TRNT1: variants seen among roughly 807,000 people sequenced by gnomAD.
TRNT1 encodes the protein CCA tRNA nucleotidyltransferase 1, mitochondrial.
In TRNT1, 44 loss-of-function variants were observed where a neutral mutation model predicts 45.6. The ratio of observed to expected loss-of-function variants is 0.97; its 90% CI spans 0.76 to 1.24. The LOEUF (loss-of-function observed/expected upper bound fraction) is 1.24. Among genes scored for constraint, TRNT1 ranks in the 50% most tolerant of loss-of-function variants. The pLI, the probability that TRNT1 is intolerant of heterozygous loss-of-function variation, is 0.00. For synonymous variants in TRNT1, 201 were observed against 171.4 expected (o/e 1.17, Z -1.35); for missense variants, 633 against 504.4 (o/e 1.25, Z -2.44).
At chr3:3,134,565 A>G (rs909167953) in intron 2 of TRNT1, among the ~76,000 whole-genome samples, 1 of 152,204 alleles carries the variant, frequency 6.6e-6, no homozygotes, top group Non-Finnish European at 1.5e-5. Context: ...TTATCTGTAT[A>G]AATTAAGCCT....
rs145588117 is a variant in TRNT1, at chr3:3,129,975, G to A, written c.148+787G>A. On this transcript the variant is annotated intron_variant, in intron 2 of 7. Coordinates refer to ENST00000251607, the MANE Select transcript of TRNT1 (RefSeq NM_182916.3). The stretch of plus-strand genomic sequence containing the variant: ...GAAGGAAATAGGAGTTGCCTCCATT[G>A]TGCACGTTGCAAAACCTGTCTGGAA... 1.2e-4 allele frequency: 179 copies of A among 1,550,440 alleles called. No individual in the cohort carries two copies. In the East Asian group the frequency reaches 4.1e-3, roughly 36 times the overall value.
At chr3:3,140,461 T>C (rs1321778421) in intron 3 of TRNT1, 49 bp from the exon 4 acceptor site, 1 of 1,594,252 alleles carries the variant, frequency 6.3e-7, no homozygotes, top group Non-Finnish European at 8.6e-7. Flanking sequence ...TTCAGTAGTA[T>C]GAAAACCTAA....
At position 3,148,970 on chromosome 3, in the gene TRNT1, T is replaced by TAAAGATTTATTCTCTAAAGAAAGAAAG. The variant is rs1553556578; in HGVS notation, c.*824_*825insATTCTCTAAAGAAAGAAAGAAAGATTT. 6.6e-6 allele frequency: 1 copy of TAAAGATTTATTCTCTAAAGAAAGAAAG among 151,736 alleles called. No individual in the cohort carries two copies. The highest frequency in any genetic ancestry group is 2.1e-4 in the South Asian group (1 of 4,824). 9.4% of individuals were successfully genotyped at this position (151,736 alleles called of 1,614,324 possible). A position where few individuals can be genotyped will look rare whatever the true frequency, so the allele number is the denominator to read the frequency against. On this transcript the variant is annotated 3_prime_UTR_variant, in exon 8 of 8. Coordinates refer to ENST00000251607, the MANE Select transcript of TRNT1 (RefSeq NM_182916.3). ...GATATGGCTATTATTATATATTCTC[T>TAAAGATTTATTCTCTAAAGAAAGAAAG]AAAGATTTGAGTCCTAAATGCTTTC... is the stretch of plus-strand genomic sequence containing the variant.
intron 4 of TRNT1, among the ~76,000 whole-genome samples, chr3:3,143,814 C>T (rs1388726439): frequency 6.6e-6 from 1 of 152,154 alleles, no homozygotes; most frequent in African/African-American, 2.4e-5. Flanking sequence ...GCTGAGATTG[C>T]ACCACTGCAC....
At chr3:3,133,692 G>C (rs1044702692) in intron 2 of TRNT1, among the ~76,000 whole-genome samples, 1 of 152,126 alleles carries the variant, frequency 6.6e-6, no homozygotes, top group Non-Finnish European at 1.5e-5. Context: ...TTGTCCACAG[G>C]GGGTGATAGC....
intron 2 of TRNT1, among the ~76,000 whole-genome samples, chr3:3,135,109 A>G (rs964370593): frequency 9.2e-5 from 14 of 152,178 alleles, no homozygotes; most frequent in Non-Finnish European, 1.9e-4. Context: ...TGCCATGTAG[A>G]CATACAAATT....
Position 3,147,898 on chromosome 3 carries a change from A to G in TRNT1, c.1057-8A>G. 1.2e-6 allele frequency: 2 copies of G among 1,601,646 alleles called. No homozygotes were observed. The highest frequency in any genetic ancestry group is 1.7e-6 in the Non-Finnish European group (2 of 1,174,108). On this transcript the variant is annotated splice_region_variant and splice_polypyrimidine_tract_variant and intron_variant, in intron 7 of 7. Transcript: ENST00000251607. ...TGACGAAACTAAATGTTTGATTTTG[A>G]CACGTAGTCTAGGGAACCTGATGCA...
At chr3:3,149,194 G>C (rs1706294247), downstream of TRNT1, 1 of 151,914 alleles carries the variant, frequency 6.6e-6, no homozygotes, top group Non-Finnish European at 1.5e-5. Flanking sequence ...ATGTCACAGG[G>C]GCTATGATGC....
chr3:3,146,250 AAAAG>A (rs1706011086), intron 5 of TRNT1, among the ~76,000 whole-genome samples, 176 bp from the exon 6 acceptor site: 1 of 152,060 alleles, frequency 6.6e-6, no homozygotes, highest in African/African-American at 2.4e-5. Context: ...CTTATCTGGG[AAAAG>A]AAAGAGGAGG....
At chr3:3,149,610 A>T (rs181170068), downstream of TRNT1, 1 of 152,162 alleles carries the variant, frequency 6.6e-6, no homozygotes, top group Non-Finnish European at 1.5e-5. Context: ...TAAGAACTAT[A>T]GGAACAAACC....
chr3:3,140,958 T>G (rs540584587), intron 4 of TRNT1, among the ~76,000 whole-genome samples: 1 of 152,150 alleles, frequency 6.6e-6, no homozygotes, highest in African/African-American at 2.4e-5. Context: ...GGCGGCTGCC[T>G]GTAGTCCCAG....
At chr3:3,150,694 T>C (rs1225360245), downstream of TRNT1, 1 of 648,288 alleles carries the variant, frequency 1.5e-6, no homozygotes, top group Admixed American at 2.9e-5. Flanking sequence ...AAAGTATACT[T>C]AAAAGTTTCA....
At chr3:3,143,124 A>G (rs1199520313) in intron 4 of TRNT1, among the ~76,000 whole-genome samples, 1 of 152,184 alleles carries the variant, frequency 6.6e-6, no homozygotes, top group Non-Finnish European at 1.5e-5. Flanking sequence ...TATCTCATAG[A>G]TCACTGACCT....
chr3:3,144,827 T>C, intron 5 of TRNT1, 117 bp downstream of exon 5: 1 of 1,081,862 alleles, frequency 9.2e-7, no homozygotes, highest in Non-Finnish European at 1.3e-6. Flanking sequence ...CAAATGTCTG[T>C]CTCCAGTGGA....
rs772847879 is a variant in TRNT1 at position 3,147,541 on chromosome 3, A to G, written c.894A>G (p.Ser298=). Residue 298 remains serine, a synonymous_variant, in exon 7 of 8, where the codon TCA becomes TCG. Coordinates refer to ENST00000251607, the MANE Select transcript of TRNT1 (RefSeq NM_182916.3). The part of the protein sequence containing the change: ...FSPKPVTLLA[S]LFKVQDDVTK... Reference sequence around the variant, plus strand: ...CAAAGCCAGTGACTCTTTTGGCCTCATTATTCAAAGTACAAGATGATGTCA... The same window carrying G: ...CAAAGCCAGTGACTCTTTTGGCCTCGTTATTCAAAGTACAAGATGATGTCA... The G allele has an allele frequency of 1.2e-6, 2 of 1,613,962 alleles. No homozygotes were observed. The highest frequency in any genetic ancestry group is 8.5e-7 in the Non-Finnish European group (1 of 1,179,870).
At chr3:3,129,864 C>A in intron 2 of TRNT1, 1 of 1,550,396 alleles carries the variant, frequency 6.4e-7, no homozygotes, top group South Asian at 1.2e-5. Context: ...TTCGAACTTA[C>A]GCAGATTGAT....
chr3:3,137,502 T>TA, intron 3 of TRNT1, 49 bp downstream of exon 3: 11 of 1,476,932 alleles, frequency 7.4e-6, no homozygotes, highest in Non-Finnish European at 1.0e-5. Flanking sequence ...TGGTAATTTT[T>TA]AAAAACTTAA....
Position 3,140,562 on chromosome 3 carries a change from A to G in TRNT1, c.395A>G (p.Asp132Gly), listed in dbSNP as rs773948765. ...ACACTACGGATTGATGTCACCACTG[A>G]TGGAAGACATGCTGAGGTAGAATTT... is the stretch of plus-strand genomic sequence containing the variant. ...ITTLRIDVTT[D>G]GRHAEVEFTT... is the part of the protein sequence containing the mutation. The change falls in exon 4 of 8, where the codon GAT (aspartate) becomes GGT (glycine). Residue 132 changes from aspartate (D) to glycine (G), a missense_variant. Physicochemically the swap from Asp to Gly is moderately conservative, Grantham distance 94. Transcript: ENST00000251607. The G allele has an allele frequency of 2.2e-5, 36 of 1,614,082 alleles. No homozygotes were observed. Among genetic ancestry groups the G allele is most frequent in the Non-Finnish European group, 3.0e-5 (35 of 1,180,010 alleles).
chr3:3,142,971 A>G (rs1612999), intron 4 of TRNT1, among the ~76,000 whole-genome samples: 140,148 of 152,234 alleles, frequency 0.92, 65,623 homozygotes, highest in East Asian at 1. Flanking sequence ...AACAGCTTGG[A>G]AAGAGTTAAG....
Sources: allele counts gnomAD v4.1 joint callset (sites outside exome capture counted in the v4.1 genomes callset), GRCh38; gene constraint gnomAD v4.1.1; transcripts MANE v1.5; gene names NCBI Gene and HGNC (gene_info 2026-07-23, HGNC 2026-07-21).